SUCLG2: variants seen among roughly 807,000 people sequenced by gnomAD.
SUCLG2 encodes the protein succinate-CoA ligase GDP-forming subunit beta.
In SUCLG2, 42 loss-of-function variants were observed where a neutral mutation model predicts 47.9. The observed-to-expected ratio is 0.88, with a 90% CI of 0.69 to 1.14. The LOEUF (loss-of-function observed/expected upper bound fraction) is 1.14. SUCLG2 is among the 50% of genes most tolerant of loss of function. The pLI, the probability that SUCLG2 is intolerant of heterozygous loss-of-function variation, is 0.00. For missense variants in SUCLG2, 571 were observed against 525.9 expected (o/e 1.09, Z -0.84); for synonymous variants, 195 against 197.3 (o/e 0.99, Z 0.10).
At chr3:67,615,996 A>C (rs1019232204) in intron 1 of SUCLG2, among the ~76,000 whole-genome samples, 2 of 151,984 alleles carry the variant, frequency 1.3e-5, no homozygotes, top group African/African-American at 4.8e-5. Flanking sequence ...ACACAGTATC[A>C]CCAAGTAACC....
intron 2 of SUCLG2, among the ~76,000 whole-genome samples, chr3:67,575,229 T>A (rs1707715166): frequency 6.6e-6 from 1 of 152,212 alleles, no homozygotes; most frequent in Admixed American, 6.5e-5. Context: ...AAAACATTTG[T>A]TCACAAAGAC....
chr3:67,454,616 C>A (rs1185325154), intron 9 of SUCLG2, among the ~76,000 whole-genome samples: 2 of 152,122 alleles, frequency 1.3e-5, no homozygotes, highest in Non-Finnish European at 2.9e-5. Flanking sequence ...TGACACTTCA[C>A]TCCCAAATGC....
chr3:67,604,413 A>G (rs1217755711), intron 2 of SUCLG2, among the ~76,000 whole-genome samples: 1 of 152,218 alleles, frequency 6.6e-6, no homozygotes, highest in African/African-American at 2.4e-5. Context: ...AAATATCATC[A>G]TCAAGTTAGC....
chr3:67,596,110 C>T (rs548179028), intron 2 of SUCLG2, among the ~76,000 whole-genome samples: 2 of 152,268 alleles, frequency 1.3e-5, no homozygotes, highest in African/African-American at 4.8e-5. Flanking sequence ...TGGGTGGGTA[C>T]CCACAAGTTT....
At chr3:67,598,819 C>A (rs1264293455) in intron 2 of SUCLG2, among the ~76,000 whole-genome samples, 1 of 152,186 alleles carries the variant, frequency 6.6e-6, no homozygotes, top group African/African-American at 2.4e-5. Context: ...TGAGTAGACA[C>A]TACTGACATC....
At chr3:67,618,033 T>G (rs945492731) in intron 1 of SUCLG2, among the ~76,000 whole-genome samples, 3 of 152,228 alleles carry the variant, frequency 2.0e-5, no homozygotes, top group African/African-American at 7.2e-5. Context: ...ATCATGGAAT[T>G]TCTATACTTG....
chr3:67,513,968 G>A (rs1036478453), intron 6 of SUCLG2: 8 of 228,372 alleles, frequency 3.5e-5, no homozygotes, highest in East Asian at 1.3e-4. Context: ...ACTCCATCGC[G>A]CCTGGCCACT....
intron 9 of SUCLG2, among the ~76,000 whole-genome samples, chr3:67,442,383 G>T (rs1355025974): frequency 6.6e-6 from 1 of 152,172 alleles, no homozygotes; most frequent in East Asian, 1.9e-4. Flanking sequence ...TGGAACAGCG[G>T]CATCAGTATT....
chr3:67,507,919 A>C (rs1197959545), intron 7 of SUCLG2, among the ~76,000 whole-genome samples: 1 of 152,230 alleles, frequency 6.6e-6, no homozygotes, highest in East Asian at 1.9e-4. Context: ...TTTGACAGCA[A>C]AAGCTTGTGA....
intron 9 of SUCLG2, among the ~76,000 whole-genome samples, chr3:67,434,089 A>G (rs1264340736): frequency 1.3e-5 from 2 of 152,238 alleles, no homozygotes; most frequent in Non-Finnish European, 1.5e-5. Flanking sequence ...CCAAATCACT[A>G]AAGTACGAGT....
intron 10 of SUCLG2, among the ~76,000 whole-genome samples, chr3:67,385,708 T>C (rs146167199): frequency 7.3e-4 from 111 of 152,352 alleles, no homozygotes; most frequent in African/African-American, 2.1e-3. Flanking sequence ...AGCTCACTGG[T>C]GGTCACACAA....
intron 2 of SUCLG2, among the ~76,000 whole-genome samples, chr3:67,556,801 A>G (rs1707174206): frequency 6.6e-6 from 1 of 152,234 alleles, no homozygotes; most frequent in South Asian, 2.1e-4. Context: ...CCGGATAACA[A>G]GATGTTTTTA....
At chr3:67,537,901 C>G (rs1321622950) in intron 2 of SUCLG2, among the ~76,000 whole-genome samples, 1 of 152,194 alleles carries the variant, frequency 6.6e-6, no homozygotes, top group Non-Finnish European at 1.5e-5. Context: ...CCTTCACCCA[C>G]TTTTTGATGG....
intron 7 of SUCLG2, among the ~76,000 whole-genome samples, chr3:67,499,140 AAC>A (rs1189913284): frequency 2.6e-5 from 4 of 152,212 alleles, no homozygotes; most frequent in Non-Finnish European, 5.9e-5. Context: ...GAAATAATTA[AAC>A]ACAGTGAAAT....
intron 9 of SUCLG2, among the ~76,000 whole-genome samples, chr3:67,476,079 T>A (rs192637766): frequency 1.4e-4 from 22 of 152,182 alleles, no homozygotes. Flanking sequence ...GTAACTAATT[T>A]ATAAACACAA....
At chr3:67,408,061 C>A (rs755100847) in intron 9 of SUCLG2, among the ~76,000 whole-genome samples, 3 of 152,116 alleles carry the variant, frequency 2.0e-5, no homozygotes, top group Non-Finnish European at 4.4e-5. Context: ...GGAATTCAAT[C>A]TTGGGCTTTG....
intron 9 of SUCLG2, among the ~76,000 whole-genome samples, chr3:67,442,492 G>A (rs1703791950): frequency 6.6e-6 from 1 of 152,134 alleles, no homozygotes; most frequent in African/African-American, 2.4e-5. Flanking sequence ...GTTCTAAAGG[G>A]CTTTCCAGGG....
At chr3:67,399,045 T>C (rs1037887996) in intron 10 of SUCLG2, among the ~76,000 whole-genome samples, 7 of 147,474 alleles carry the variant, frequency 4.7e-5, no homozygotes, top group African/African-American at 1.5e-4. Context: ...GGGGGAAGGA[T>C]AGCATTAGGA....
chr3:67,422,390 G>A (rs914922117), intron 9 of SUCLG2, among the ~76,000 whole-genome samples: 5 of 143,036 alleles, frequency 3.5e-5, no homozygotes, highest in African/African-American at 5.3e-5. Context: ...CAGGAGAATC[G>A]CTTGAACCCG....
Sources: gnomAD v4.1 joint callset for allele counts (sites outside exome capture counted in the v4.1 genomes callset) on GRCh38, gnomAD v4.1.1 for gene constraint, MANE v1.5 for transcripts, NCBI Gene and HGNC (gene_info 2026-07-23, HGNC 2026-07-21) for gene names.